Variants in TRNAU1AP observed in about 807,000 individuals in gnomAD.
TRNAU1AP encodes the protein tRNA selenocysteine 1-associated protein 1.
Under a neutral mutation model 43.3 loss-of-function variants are expected in TRNAU1AP, and 33 were observed. The ratio of observed to expected loss-of-function variants is 0.76; its 90% CI spans 0.58 to 1.02. The LOEUF is 1.02. Among genes scored for constraint, TRNAU1AP ranks in the 50% least tolerant of loss-of-function variants. The probability of loss-of-function intolerance (pLI) is 0.00; values close to 1 mark genes in which losing one functional copy is unlikely to be tolerated. For synonymous variants in TRNAU1AP, 143 were observed against 129.1 expected (o/e 1.11, Z -0.73); for missense variants, 290 against 362.7 (o/e 0.80, Z 1.63).
At chr1:28,561,300 T>G in intron 3 of TRNAU1AP, 46 bp from the exon 4 acceptor site, 2 of 1,612,498 alleles carry the variant, frequency 1.2e-6, no homozygotes, top group South Asian at 1.1e-5. Context: ...GTTCAACTCT[T>G]GAAACACCTT....
intron 5 of TRNAU1AP, 32 bp downstream of exon 5, chr1:28,564,866 G>A: frequency 1.2e-6 from 2 of 1,613,028 alleles, no homozygotes; most frequent in Non-Finnish European, 1.7e-6. Context: ...ATGCTTAACT[G>A]TGTTAGTTTC....
chr1:28,558,311 T>C (rs1464321473), intron 2 of TRNAU1AP, among the ~76,000 whole-genome samples: 1 of 135,374 alleles, frequency 7.4e-6, no homozygotes, highest in African/African-American at 2.8e-5. Context: ...TCCCTCCGGG[T>C]TCAAGCAATT....
At chr1:28,573,036 CTTTTTTTTT>C (rs534588648) in intron 8 of TRNAU1AP, among the ~76,000 whole-genome samples, 1 of 133,754 alleles carries the variant, frequency 7.5e-6, no homozygotes, top group African/African-American at 2.8e-5. Flanking sequence ...TTTTCTTTTT[CTTTTTTTTT>C]TTTTTTTGAG....
In TRNAU1AP at chr1:28,564,804, A is replaced by G; in HGVS notation, c.380A>G (p.Lys127Arg). 2 of 1,614,086 alleles carry G rather than the reference A, an allele frequency of 1.2e-6. No individual in the cohort carries two copies. The highest frequency in any genetic ancestry group is 1.7e-6 in the Non-Finnish European group (2 of 1,180,012). The change falls in exon 5 of 9, where the codon AAG (lysine) becomes AGG (arginine). Residue 127 changes from lysine (K) to arginine (R), a missense_variant. Lys to Arg is a conservative substitution (Grantham distance 26). This residue lies in a region of TRNAU1AP where 174 missense variants were observed against 262.1 expected (regional missense o/e 0.66). Transcript: ENST00000373830. The stretch of plus-strand genomic sequence containing the variant: ...GTCTACCCCTCCTGTCGGGGAGGCA[A>G]GGTGGTTTTGGACCAGACAGGCGTG... ...VKVYPSCRGG[K>R]VVLDQTGVSK...
At chr1:28,556,320 C>T (rs761267066) in intron 2 of TRNAU1AP, among the ~76,000 whole-genome samples, 1 of 151,524 alleles carries the variant, frequency 6.6e-6, no homozygotes, top group Non-Finnish European at 1.5e-5. Flanking sequence ...AAAAATTAGC[C>T]AGGTGTGGTG....
intron 5 of TRNAU1AP, among the ~76,000 whole-genome samples, chr1:28,565,949 G>A (rs1402004906): frequency 6.6e-6 from 1 of 152,132 alleles, no homozygotes; most frequent in African/African-American, 2.4e-5. Context: ...TCACTGAACT[G>A]GTTACCTCTT....
At position 28,571,225 on chromosome 1, in the gene TRNAU1AP, A is replaced by G. The variant is rs1263112919; in HGVS notation, c.580A>G (p.Asn194Asp). The change falls in exon 7 of 9, where the codon AAC becomes GAC. Residue 194 changes from asparagine (N) to aspartate (D), a missense_variant. Physicochemically the swap from Asn to Asp is conservative, Grantham distance 23. Around this residue, in one of 3 missense-constraint regions of TRNAU1AP, gnomAD observed 174 missense variants for 262.1 expected, o/e 0.66. Transcript: ENST00000373830. ...TAGTCAGATGTACAGTTATAGCTAC[A>G]ACCAGTATTATCAGCAGTACCAGAA... is the stretch of plus-strand genomic sequence containing the variant. The part of the protein sequence containing the change: ...EYSQMYSYSY[N>D]QYYQQYQNYY... 8 of 1,614,132 alleles carry G rather than the reference A, an allele frequency of 5.0e-6. No homozygotes were observed. Among genetic ancestry groups the G allele is most frequent in the Non-Finnish European group, 6.8e-6 (8 of 1,179,978 alleles).
chr1:28,577,313 A>C (rs988675875), intron 8 of TRNAU1AP, among the ~76,000 whole-genome samples, 187 bp from the exon 9 acceptor site: 17 of 152,134 alleles, frequency 1.1e-4, no homozygotes, highest in Admixed American at 5.2e-4. Flanking sequence ...CCATTTTCCC[A>C]TTCTCTAGAT....
intron 6 of TRNAU1AP, 99 bp from the exon 7 acceptor site, chr1:28,571,077 A>AT (rs59617894): frequency 5.0e-6 from 6 of 1,202,804 alleles, no homozygotes; most frequent in Non-Finnish European, 5.9e-6. Flanking sequence ...GAAAAAAAAA[A>AT]GTTAATCGGT....
chr1:28,567,423 G>A lies in TRNAU1AP; in HGVS notation c.530+10G>A, dbSNP rs780546913. 14 of 1,593,700 alleles carry A rather than the reference G, an allele frequency of 8.8e-6. No individual in the cohort carries two copies. The highest frequency in any genetic ancestry group is 1.2e-5 in the Non-Finnish European group (14 of 1,175,034). On this transcript the variant is annotated intron_variant, in intron 6 of 8. Coordinates refer to ENST00000373830, the MANE Select transcript of TRNAU1AP (RefSeq NM_017846.5). Reference sequence around the variant, plus strand: ...TGGCAATCCCTAAAGCGTGAGTCCTGCAGGGAAGGTAGAGAGACTCTAGAC... The same window carrying A: ...TGGCAATCCCTAAAGCGTGAGTCCTACAGGGAAGGTAGAGAGACTCTAGAC...
At chr1:28,563,537 A>G (rs1266363034) in intron 4 of TRNAU1AP, among the ~76,000 whole-genome samples, 1 of 152,092 alleles carries the variant, frequency 6.6e-6, no homozygotes, top group Admixed American at 6.6e-5. Context: ...ACAAAAAATT[A>G]GTTGGGCGTA....
chr1:28,563,896 T>G (rs1467079590), intron 4 of TRNAU1AP, among the ~76,000 whole-genome samples: 1 of 152,022 alleles, frequency 6.6e-6, no homozygotes, highest in Non-Finnish European at 1.5e-5. Context: ...TGTTCGTTTA[T>G]TTTTTTAATA....
intron 5 of TRNAU1AP, among the ~76,000 whole-genome samples, chr1:28,566,776 AGAG>A (rs138141863): frequency 1.4e-5 from 2 of 146,504 alleles, no homozygotes; most frequent in African/African-American, 5.4e-5. Flanking sequence ...AAAAAAAAAA[AGAG>A]AGAGAAAATG....
intron 5 of TRNAU1AP, 123 bp downstream of exon 5, chr1:28,564,957 G>T: frequency 8.2e-7 from 1 of 1,222,560 alleles, no homozygotes; most frequent in Non-Finnish European, 1.2e-6. Context: ...GAGCCAAACT[G>T]CCTGGTTCAA....
intron 8 of TRNAU1AP, among the ~76,000 whole-genome samples, chr1:28,575,152 A>C (rs929514360): frequency 1.3e-5 from 2 of 151,792 alleles, no homozygotes; most frequent in Non-Finnish European, 2.9e-5. Flanking sequence ...ATCTCTTTTT[A>C]ATCCTTTTTT....
chr1:28,563,798 G>A (rs1299100614), intron 4 of TRNAU1AP, among the ~76,000 whole-genome samples: 1 of 152,094 alleles, frequency 6.6e-6, no homozygotes, highest in African/African-American at 2.4e-5. Flanking sequence ...GTTGCAGTGA[G>A]CCGAGATCAC....
At chr1:28,561,239 A>AG in intron 3 of TRNAU1AP, 107 bp from the exon 4 acceptor site, 1 of 1,529,514 alleles carries the variant, frequency 6.5e-7, no homozygotes, top group African/African-American at 1.4e-5. Flanking sequence ...AGGCTTAGAG[A>AG]GGGGGAGATG....
intron 2 of TRNAU1AP, 139 bp downstream of exon 2, chr1:28,553,876 C>T (rs1247958242): frequency 1.6e-5 from 12 of 770,888 alleles, no homozygotes; most frequent in Admixed American, 2.3e-5. Context: ...TTTGAGGTCC[C>T]AATGAGTGGA....
At chr1:28,573,436 C>T (rs891200241) in intron 8 of TRNAU1AP, among the ~76,000 whole-genome samples, 6 of 151,394 alleles carry the variant, frequency 4.0e-5, no homozygotes, top group African/African-American at 1.5e-4. Flanking sequence ...GTTAAGAGAT[C>T]GAGACCATCT....
Sources: allele counts gnomAD v4.1 joint callset (sites outside exome capture counted in the v4.1 genomes callset), GRCh38; gene constraint gnomAD v4.1.1; regional missense constraint gnomAD v4.1.1; transcripts MANE v1.5; gene names NCBI Gene and HGNC (gene_info 2026-07-23, HGNC 2026-07-21).